OPCML: variants seen among roughly 807,000 people sequenced by gnomAD.
OPCML encodes opioid binding protein/cell adhesion molecule like, also known as opioid-binding protein/cell adhesion molecule.
A neutral mutation model predicts 37.8 loss-of-function variants in OPCML; 13 were observed. That is an observed-to-expected ratio of 0.34 (90% CI 0.22 to 0.55). The LOEUF (loss-of-function observed/expected upper bound fraction) is 0.55, where lower values mean the gene tolerates loss of function less well. Among genes scored for constraint, OPCML ranks in the 20% least tolerant of loss-of-function variants. OPCML has a pLI of 0.91. For synonymous variants in OPCML, 176 were observed against 168.8 expected, an observed-to-expected ratio of 1.04 and a Z score of -0.33; for missense variants, 341 against 435.6, an observed-to-expected ratio of 0.78 and a Z score of 1.93.
chr11:133,289,694 C>T (rs989007534), intron 1 of OPCML, among the ~76,000 whole-genome samples: 1 of 151,884 alleles, frequency 6.6e-6, no homozygotes, highest in African/African-American at 2.4e-5. Context: ...TCTTTATTCA[C>T]TGTTAAGGAA....
chr11:133,122,631 C>T (rs1256964383), intron 1 of OPCML, among the ~76,000 whole-genome samples: 1 of 152,084 alleles, frequency 6.6e-6, no homozygotes, highest in Non-Finnish European at 1.5e-5. Context: ...GCCACCTGGG[C>T]ACCTTTTTGT....
chr11:132,846,111 GAA>G (rs1941526842), intron 2 of OPCML, among the ~76,000 whole-genome samples: 1 of 152,206 alleles, frequency 6.6e-6, no homozygotes, highest in Admixed American at 6.5e-5. Context: ...CACTCGGGGG[GAA>G]ATTCATTTAC....
At chr11:133,218,842 A>T (rs993129665) in intron 1 of OPCML, among the ~76,000 whole-genome samples, 2 of 152,136 alleles carry the variant, frequency 1.3e-5, no homozygotes, top group African/African-American at 4.8e-5. Flanking sequence ...GAAATTATAC[A>T]TGGACCCTTA....
chr11:132,872,913 C>T lies in OPCML; in HGVS notation c.146+70013G>A, dbSNP rs377141757. ...TGAATACTTCTCTGTTTCAAGAAGG[C>T]CTTCTTTCTTTCTTTTTTTTTTTCT... On this transcript the variant is annotated intron_variant, in intron 2 of 7. Transcript: ENST00000524381. Among the ~76,000 whole-genome samples the T allele has an allele frequency of 3.9e-4, 59 of 151,932 alleles. No homozygotes were observed. In the East Asian group the frequency reaches 0.01, roughly 26 times the overall value.
chr11:133,430,986 G>T (rs1196012350), intron 1 of OPCML, among the ~76,000 whole-genome samples: 1 of 152,098 alleles, frequency 6.6e-6, no homozygotes, highest in South Asian at 2.1e-4. Flanking sequence ...GGTTTCGAAC[G>T]TTAGTTTCAC....
chr11:132,710,546 C>A (rs983386969), intron 2 of OPCML, among the ~76,000 whole-genome samples: 2 of 152,130 alleles, frequency 1.3e-5, no homozygotes, highest in Admixed American at 6.5e-5. Flanking sequence ...GGTGAGCTTT[C>A]ATATTGACTT....
intron 3 of OPCML, among the ~76,000 whole-genome samples, chr11:132,615,688 T>C (rs1938963099): frequency 6.6e-6 from 1 of 152,142 alleles, no homozygotes; most frequent in Admixed American, 6.5e-5. Flanking sequence ...CATCTGCTGA[T>C]TTTGGTGTCT....
chr11:132,690,490 G>A (rs1275491402), intron 2 of OPCML, among the ~76,000 whole-genome samples: 1 of 152,108 alleles, frequency 6.6e-6, no homozygotes, highest in East Asian at 1.9e-4. Flanking sequence ...TGTGTCAAAG[G>A]AAAGCTGAGA....
At chr11:132,987,852 T>C (rs1447723157) in intron 1 of OPCML, among the ~76,000 whole-genome samples, 2 of 152,136 alleles carry the variant, frequency 1.3e-5, no homozygotes, top group Non-Finnish European at 2.9e-5. Context: ...ATGCTCAAAT[T>C]TTCTTCTCAT....
chr11:132,817,519 T>C (rs1939703010), intron 2 of OPCML, among the ~76,000 whole-genome samples: 1 of 152,154 alleles, frequency 6.6e-6, no homozygotes, highest in African/African-American at 2.4e-5. Context: ...CAGCTGGCTA[T>C]GTAGCTGATA....
chr11:133,099,821 T>C (rs1453518979), intron 1 of OPCML, among the ~76,000 whole-genome samples: 2 of 152,338 alleles, frequency 1.3e-5, no homozygotes, highest in East Asian at 3.9e-4. Context: ...ATATCAGCCC[T>C]TTGTCAGAAG....
intron 2 of OPCML, among the ~76,000 whole-genome samples, chr11:132,879,583 G>C (rs1196200523): frequency 6.6e-6 from 1 of 152,198 alleles, no homozygotes. Context: ...CTTTCAGAGT[G>C]ACATTTTTGT....
At chr11:133,457,275 G>T (rs186823592) in intron 1 of OPCML, among the ~76,000 whole-genome samples, 1 of 152,146 alleles carries the variant, frequency 6.6e-6, no homozygotes. Context: ...GCTTATCACC[G>T]TAATTCTAGC....
chr11:132,995,174 A>C (rs2136828410), intron 1 of OPCML, among the ~76,000 whole-genome samples: 1 of 152,338 alleles, frequency 6.6e-6, no homozygotes, highest in East Asian at 1.9e-4. Flanking sequence ...CTTTGCCAAG[A>C]AGACTAAACG....
intron 1 of OPCML, among the ~76,000 whole-genome samples, chr11:133,498,093 C>CGGAGA (rs1362095786): frequency 1.1e-4 from 16 of 152,210 alleles, no homozygotes; most frequent in Non-Finnish European, 1.3e-4. Flanking sequence ...TCTGCACCAC[C>CGGAGA]GGAGAGGAGA....
chr11:132,495,912 A>G (rs1331372619), intron 4 of OPCML, among the ~76,000 whole-genome samples: 1 of 146,742 alleles, frequency 6.8e-6, no homozygotes, highest in Non-Finnish European at 1.5e-5. Flanking sequence ...AAAAAAAAAA[A>G]GTTTGTTCTA....
intron 2 of OPCML, among the ~76,000 whole-genome samples, chr11:132,769,669 G>A (rs1187575407): frequency 1.3e-5 from 2 of 152,130 alleles, no homozygotes; most frequent in African/African-American, 4.8e-5. Context: ...TGTAAAGGCG[G>A]GGTGGAAAGA....
chr11:133,271,186 G>A (rs534136843), intron 1 of OPCML, among the ~76,000 whole-genome samples: 1 of 152,244 alleles, frequency 6.6e-6, no homozygotes, highest in African/African-American at 2.4e-5. Context: ...GGGTGATAAT[G>A]CCTACCTCAA....
intron 1 of OPCML, among the ~76,000 whole-genome samples, chr11:133,398,812 C>T (rs938619866): frequency 1.2e-4 from 18 of 152,040 alleles, no homozygotes; most frequent in African/African-American, 4.1e-4. Flanking sequence ...CCAACCAATG[C>T]TTTTTCATCT....
Sources: allele counts gnomAD v4.1 joint callset (sites outside exome capture counted in the v4.1 genomes callset), GRCh38; gene constraint gnomAD v4.1.1; transcripts MANE v1.5; gene names NCBI Gene and HGNC (gene_info 2026-07-23, HGNC 2026-07-21).